The following DLGAP1 variants were observed in gnomAD, a reference collection of about 807,000 sequenced individuals.
DLGAP1 encodes DLG associated protein 1.
Under a neutral mutation model 90.8 loss-of-function variants are expected in DLGAP1, and 11 were observed. The ratio of observed to expected loss-of-function variants is 0.12; its 90% CI spans 0.08 to 0.20. The LOEUF (loss-of-function observed/expected upper bound fraction) is 0.20. Ranked by LOEUF, DLGAP1 falls within the 10% of genes least tolerant of loss-of-function variation. The pLI is 1.00. For synonymous variants in DLGAP1, 558 were observed against 540.7 expected (o/e 1.03, Z -0.44); for missense variants, 1,050 against 1,333.8 (o/e 0.79, Z 3.31).
intron 1 of DLGAP1, among the ~76,000 whole-genome samples, chr18:4,155,346 G>A (rs982348536): frequency 2.0e-5 from 3 of 152,092 alleles, no homozygotes; most frequent in African/African-American, 7.2e-5. Flanking sequence ...GCTTTATTTG[G>A]GCACTCTACG....
chr18:4,437,744 T>G (rs959504630), intron 1 of DLGAP1, among the ~76,000 whole-genome samples: 2 of 152,206 alleles, frequency 1.3e-5, no homozygotes, highest in African/African-American at 4.8e-5. Flanking sequence ...GTTTAAAAGA[T>G]TATATGCAAA....
chr18:4,343,870 C>T (rs2081253497), intron 1 of DLGAP1, among the ~76,000 whole-genome samples: 1 of 152,118 alleles, frequency 6.6e-6, no homozygotes, highest in South Asian at 2.1e-4. Context: ...GTATAATCTC[C>T]TCCGGAAAGG....
At chr18:4,289,871 G>A (rs547236661) in intron 1 of DLGAP1, among the ~76,000 whole-genome samples, 1 of 152,086 alleles carries the variant, frequency 6.6e-6, no homozygotes, top group Non-Finnish European at 1.5e-5. Context: ...ACAGTAAATG[G>A]TATAAATCAT....
Position 3,879,217 on chromosome 18 carries a change from G to T in DLGAP1, c.852C>A (p.Thr284=), listed in dbSNP as rs145691437. The change falls in exon 4 of 13, where the codon ACC becomes ACA. Residue 284 remains threonine, a synonymous_variant. Coordinates refer to ENST00000315677, the MANE Select transcript of DLGAP1 (RefSeq NM_004746.4). This position sits in a 1 kb window ranked among gnomAD's most constrained non-coding sequence, Gnocchi z 6.6. ...LKKSAWSSTL[T]VSRAREVYQK... Reference sequence around the variant, plus strand: ...GGTAAACCTCCCGGGCCCGGCTCACGGTGAGCGTGGAGGACCAGGCGCTCT... The same window carrying T: ...GGTAAACCTCCCGGGCCCGGCTCACTGTGAGCGTGGAGGACCAGGCGCTCT... 3,046 of 1,574,608 alleles carry T rather than the reference G, an allele frequency of 1.9e-3. 96 individuals are homozygous for T. The Admixed American group carries it at 0.044, about 23-fold the overall frequency.
intron 1 of DLGAP1, among the ~76,000 whole-genome samples, chr18:4,353,690 G>A (rs1389104372): frequency 6.6e-6 from 1 of 150,744 alleles, no homozygotes; most frequent in African/African-American, 2.4e-5. Context: ...AAATATATAT[G>A]ATATATAACA....
At chr18:3,961,944 T>C (rs1163570850) in intron 3 of DLGAP1, among the ~76,000 whole-genome samples, 1 of 152,206 alleles carries the variant, frequency 6.6e-6, no homozygotes, top group African/African-American at 2.4e-5. Context: ...GATGCTAACA[T>C]GATTGACCAG....
At chr18:3,509,521 G>T (rs1270737450) in intron 10 of DLGAP1, among the ~76,000 whole-genome samples, 1 of 152,202 alleles carries the variant, frequency 6.6e-6, no homozygotes, top group Admixed American at 6.5e-5. Context: ...GGGACTGGGT[G>T]CAGCTGCCCT....
chr18:4,247,962 G>C (rs781150575), intron 1 of DLGAP1, among the ~76,000 whole-genome samples: 1 of 152,048 alleles, frequency 6.6e-6, no homozygotes, highest in Non-Finnish European at 1.5e-5. Context: ...GATATACTGG[G>C]ATCTAAAATT....
chr18:3,940,103 G>T (rs879835578), intron 3 of DLGAP1, among the ~76,000 whole-genome samples: 3 of 152,202 alleles, frequency 2.0e-5, no homozygotes, highest in Non-Finnish European at 4.4e-5. Context: ...TGGATCAGTT[G>T]CTCTGAAGGA....
In DLGAP1 at chr18:4,395,462, C is replaced by T. The variant is rs188978993; in HGVS notation, c.-267+59544G>A. 1.3e-3 allele frequency among the ~76,000 whole-genome samples: 199 copies of T among 152,196 alleles called. 2 individuals are homozygous for T. The highest frequency in any genetic ancestry group is 5.6e-3 in the South Asian group (27 of 4,818). The stretch of plus-strand genomic sequence containing the variant: ...AGCATCTACCTCAGTACGAGGGCTC[C>T]GCGTATTACCTATAGCCAGAGACTG... On this transcript the variant is annotated intron_variant, in intron 1 of 12. Transcript: ENST00000315677.
intron 10 of DLGAP1, among the ~76,000 whole-genome samples, chr18:3,527,788 G>A (rs1265457235): frequency 6.6e-6 from 1 of 151,796 alleles, no homozygotes; most frequent in Non-Finnish European, 1.5e-5. Context: ...GTAGAGATAG[G>A]GTCTCTGTTG....
chr18:4,076,583 C>T (rs2075525956), intron 2 of DLGAP1, among the ~76,000 whole-genome samples: 1 of 151,980 alleles, frequency 6.6e-6, no homozygotes, highest in African/African-American at 2.4e-5. Context: ...ACTGTTTTCC[C>T]ATTTTTCTCA....
At chr18:3,506,380 G>A (rs1324424106) in intron 11 of DLGAP1, among the ~76,000 whole-genome samples, 1 of 151,896 alleles carries the variant, frequency 6.6e-6, no homozygotes, top group East Asian at 1.9e-4. Context: ...GGCTGTGGTG[G>A]CGCATGCCTG....
At chr18:4,317,375 T>G (rs766903653) in intron 1 of DLGAP1, among the ~76,000 whole-genome samples, 1 of 152,230 alleles carries the variant, frequency 6.6e-6, no homozygotes, top group Non-Finnish European at 1.5e-5. Flanking sequence ...TAGTACCACC[T>G]GACAGGTCAT....
At chr18:4,151,390 A>G (rs1417564168) in intron 1 of DLGAP1, 103 bp from the exon 2 acceptor site, 3 of 152,210 alleles carry the variant, frequency 2.0e-5, no homozygotes, top group Admixed American at 2.0e-4. Flanking sequence ...ATTATATTCA[A>G]TGCTGTTAAG....
At chr18:4,127,356 G>A (rs2076247500) in intron 2 of DLGAP1, among the ~76,000 whole-genome samples, 1 of 152,116 alleles carries the variant, frequency 6.6e-6, no homozygotes, top group Non-Finnish European at 1.5e-5. Flanking sequence ...CACCCTATCA[G>A]GGTATTGACT....
chr18:3,638,998 C>G (rs1301692957), intron 7 of DLGAP1, among the ~76,000 whole-genome samples: 1 of 152,140 alleles, frequency 6.6e-6, no homozygotes, highest in East Asian at 1.9e-4. Context: ...ACAAGAACTC[C>G]AAAACTAATG....
At chr18:3,703,870 T>A (rs1163932766) in intron 7 of DLGAP1, among the ~76,000 whole-genome samples, 1 of 152,082 alleles carries the variant, frequency 6.6e-6, no homozygotes, top group Non-Finnish European at 1.5e-5. Flanking sequence ...GAAGAGAATT[T>A]CCTTGGAGAT....
chr18:4,308,438 T>A (rs2080318031), intron 1 of DLGAP1, among the ~76,000 whole-genome samples: 1 of 152,226 alleles, frequency 6.6e-6, no homozygotes, highest in Admixed American at 6.5e-5. Context: ...AAATAATCTG[T>A]GTATTACAAG....
Sources: gnomAD v4.1 joint callset for allele counts (sites outside exome capture counted in the v4.1 genomes callset) on GRCh38, gnomAD v4.1.1 for gene constraint, Gnocchi (gnomAD v3.1) non-coding constraint, MANE v1.5 for transcripts, NCBI Gene and HGNC (gene_info 2026-07-23, HGNC 2026-07-21) for gene names.